The following RBFOX1 variants were observed in gnomAD, a reference collection of about 807,000 sequenced individuals.
The protein encoded by RBFOX1 is RNA binding fox-1 homolog 1.
RBFOX1 carries 8 observed loss-of-function variants against 57.7 expected under a neutral mutation model. The observed-to-expected ratio is 0.14, with a 90% confidence interval of 0.08 to 0.25. The LOEUF (loss-of-function observed/expected upper bound fraction) is 0.25. Ranked by LOEUF, RBFOX1 falls within the 10% of genes least tolerant of loss-of-function variation. The probability of loss-of-function intolerance (pLI) is 1.00; values close to 1 mark genes in which losing one functional copy is unlikely to be tolerated. For synonymous variants in RBFOX1, 326 were observed against 222.4 expected (o/e 1.47, Z -4.15); for missense variants, 611 against 548.5 (o/e 1.11, Z -1.14).
intron 4 of RBFOX1, among the ~76,000 whole-genome samples, chr16:7,170,890 C>T (rs576111369): frequency 7.8e-4 from 119 of 152,308 alleles, no homozygotes; most frequent in Non-Finnish European, 9.1e-4. Context: ...TTCATCAAAA[C>T]GTCCAGCTCT....
At chr16:7,411,146 A>C (rs756744409) in intron 4 of RBFOX1, among the ~76,000 whole-genome samples, 7 of 151,990 alleles carry the variant, frequency 4.6e-5, no homozygotes, top group African/African-American at 1.7e-4. Flanking sequence ...GGGTTTTGTC[A>C]TGTTGGCCAG....
chr16:5,341,336 T>C (rs1327639526), intron 1 of RBFOX1, among the ~76,000 whole-genome samples: 3 of 152,124 alleles, frequency 2.0e-5, no homozygotes, highest in African/African-American at 7.2e-5. Context: ...GTTTGAAGAA[T>C]AGGTTGGTGA....
At chr16:7,200,558 G>A (rs2088093939) in intron 4 of RBFOX1, among the ~76,000 whole-genome samples, 1 of 152,148 alleles carries the variant, frequency 6.6e-6, no homozygotes, top group African/African-American at 2.4e-5. Flanking sequence ...TTCTGCTCGA[G>A]GAAAAACATT....
intron 11 of RBFOX1, among the ~76,000 whole-genome samples, chr16:7,649,140 C>G (rs1047100185): frequency 6.6e-6 from 1 of 152,068 alleles, no homozygotes; most frequent in Non-Finnish European, 1.5e-5. Context: ...ACAGCTACTC[C>G]ATAGACAGTA....
chr16:7,618,240 T>C (rs895860813), intron 10 of RBFOX1, among the ~76,000 whole-genome samples: 1 of 152,172 alleles, frequency 6.6e-6, no homozygotes, highest in Non-Finnish European at 1.5e-5. Flanking sequence ...ATAACAATTA[T>C]AATTAAAAAT....
At chr16:6,808,217 C>T (rs942193554) in intron 3 of RBFOX1, among the ~76,000 whole-genome samples, 1 of 149,186 alleles carries the variant, frequency 6.7e-6, no homozygotes. Context: ...TTGAAGTATG[C>T]ACTAGCTTCC....
chr16:7,025,294 A>T (rs1208158213), intron 3 of RBFOX1, among the ~76,000 whole-genome samples: 1 of 152,082 alleles, frequency 6.6e-6, no homozygotes, highest in Non-Finnish European at 1.5e-5. Context: ...GGCGCTCGTG[A>T]GTATAGCAGT....
chr16:5,553,777 CACA>C (rs2045565316), intron 2 of RBFOX1, among the ~76,000 whole-genome samples: 1 of 137,534 alleles, frequency 7.3e-6, no homozygotes, highest in Admixed American at 7.1e-5. Flanking sequence ...AACCTCATAC[CACA>C]ATATTGAAAA....
chr16:7,268,108 G>A (rs2095219045), intron 4 of RBFOX1, among the ~76,000 whole-genome samples: 1 of 152,096 alleles, frequency 6.6e-6, no homozygotes, highest in African/African-American at 2.4e-5. Context: ...AATATGGTAG[G>A]CATGTGTAAC....
chr16:6,929,337 A>G (rs2076139071), intron 3 of RBFOX1, among the ~76,000 whole-genome samples: 1 of 152,138 alleles, frequency 6.6e-6, no homozygotes, highest in Admixed American at 6.6e-5. Context: ...TTTCATTCAT[A>G]ATGTGAATAT....
chr16:6,861,687 T>C (rs2059028446), intron 3 of RBFOX1, among the ~76,000 whole-genome samples: 1 of 152,080 alleles, frequency 6.6e-6, no homozygotes, highest in African/African-American at 2.4e-5. Flanking sequence ...CTGTGTATAA[T>C]GAGGTCAAAT....
chr16:6,994,471 A>G (rs895696750), intron 3 of RBFOX1, among the ~76,000 whole-genome samples: 3 of 152,194 alleles, frequency 2.0e-5, no homozygotes, highest in Non-Finnish European at 4.4e-5. Flanking sequence ...CATGCTAAGA[A>G]CTGTTAGGAA....
At chr16:6,895,898 T>G (rs1469814346) in intron 3 of RBFOX1, among the ~76,000 whole-genome samples, 1 of 152,158 alleles carries the variant, frequency 6.6e-6, no homozygotes. Flanking sequence ...GTCATCTTTT[T>G]GTAAAATGTT....
intron 3 of RBFOX1, chr16:7,004,085 T>G (rs2093084345): frequency 6.6e-6 from 1 of 152,014 alleles, no homozygotes; most frequent in Admixed American, 6.6e-5. Context: ...CATTCTAGTT[T>G]TAGTATATGT....
chr16:6,435,796 A>ACT (rs1482939804), intron 2 of RBFOX1, among the ~76,000 whole-genome samples: 1 of 152,248 alleles, frequency 6.6e-6, no homozygotes, highest in African/African-American at 2.4e-5. Flanking sequence ...TTTTAATCAA[A>ACT]GTAGGAGCTG....
chr16:6,787,643 C>T (rs1443117133), intron 3 of RBFOX1, among the ~76,000 whole-genome samples: 3 of 152,046 alleles, frequency 2.0e-5, no homozygotes, highest in Non-Finnish European at 1.5e-5. Flanking sequence ...GTTTTGAAGA[C>T]ACGTTATTAC....
chr16:6,510,209 C>G (rs757177892), intron 2 of RBFOX1, among the ~76,000 whole-genome samples: 1 of 152,086 alleles, frequency 6.6e-6, no homozygotes, highest in Admixed American at 6.6e-5. Context: ...TTTATTAGCC[C>G]CTTTGTCTCA....
chr16:7,177,331 G>T (rs572691288), intron 4 of RBFOX1, among the ~76,000 whole-genome samples: 85 of 152,282 alleles, frequency 5.6e-4, no homozygotes, highest in African/African-American at 2.0e-3. Context: ...CTCAAGAGCT[G>T]AGGATGCAAG....
At chr16:5,340,279 A>G (rs2065004725) in intron 1 of RBFOX1, among the ~76,000 whole-genome samples, 1 of 152,190 alleles carries the variant, frequency 6.6e-6, no homozygotes, top group Non-Finnish European at 1.5e-5. Flanking sequence ...TACTGGGGAA[A>G]GGGGAGGAAT....
Sources: gnomAD v4.1 joint callset for allele counts (sites outside exome capture counted in the v4.1 genomes callset) on GRCh38, gnomAD v4.1.1 for gene constraint, MANE v1.5 for transcripts, NCBI Gene and HGNC (gene_info 2026-07-23, HGNC 2026-07-21) for gene names.